HHEX: variants seen among roughly 807,000 people sequenced by gnomAD.
HHEX encodes hematopoietically expressed homeobox.
In HHEX, 8 loss-of-function variants were observed where a neutral mutation model predicts 27.0. That is an observed-to-expected ratio of 0.30 (90% confidence interval 0.17 to 0.54). The LOEUF (loss-of-function observed/expected upper bound fraction) is 0.54, where lower values mean the gene tolerates loss of function less well. Among genes scored for constraint, HHEX ranks in the 20% least tolerant of loss-of-function variants. The pLI, the probability that HHEX is intolerant of heterozygous loss-of-function variation, is 0.95. For synonymous variants in HHEX, 164 were observed against 161.5 expected (o/e 1.02, Z -0.12); for missense variants, 326 against 357.2 (o/e 0.91, Z 0.70).
intron 3 of HHEX, 49 bp from the exon 4 acceptor site, chr10:92,694,498 T>G: frequency 7.4e-7 from 1 of 1,346,320 alleles, no homozygotes; most frequent in Non-Finnish European, 1.1e-6. Context: ...CTCTCACCTA[T>G]CCATATTTTA....
Position 92,690,236 on chromosome 10 carries a change from G to A in HHEX, c.250G>A (p.Ala84Thr), listed in dbSNP as rs1451879808. Residue 84 changes from alanine (A) to threonine (T), a missense_variant, in exon 1 of 4, where the codon GCC becomes ACC. Around this residue, in one of 4 missense-constraint regions of HHEX, gnomAD observed 215 missense variants for 196.4 expected, o/e 1.09. Coordinates refer to ENST00000282728, the MANE Select transcript of HHEX (RefSeq NM_002729.5). ...CCATCCAGCCTTCTCGCACCACTCC[G>A]CCGCCGCGCTGGCCGCTGCCTACGG... ...PIHPAFSHHS[A>T]AALAAAYGPG... 1 of 1,566,890 alleles carries A rather than the reference G, an allele frequency of 6.4e-7. No homozygotes were observed. The highest frequency in any genetic ancestry group is 1.9e-5 in the Admixed American group (1 of 52,848).
At position 92,692,356 on chromosome 10, in the gene HHEX, T is replaced by A. The variant is rs1845364540; in HGVS notation, c.362-12T>A. Reference sequence around the variant, plus strand: ...CAGGGCAGTGGGTGAGCGCCGCTCTTCCCGCTCGCAGGCAAACCTCTACTC... The same window carrying A: ...CAGGGCAGTGGGTGAGCGCCGCTCTACCCGCTCGCAGGCAAACCTCTACTC... On this transcript the variant is annotated splice_polypyrimidine_tract_variant and intron_variant, in intron 1 of 3. Transcript: ENST00000282728. 1 of 1,612,158 alleles carries A rather than the reference T, an allele frequency of 6.2e-7. No homozygotes were observed. The highest frequency in any genetic ancestry group is 1.3e-5 in the African/African-American group (1 of 74,782).
intron 2 of HHEX, 72 bp downstream of exon 2, chr10:92,692,618 CGA>C: frequency 3.1e-6 from 5 of 1,604,318 alleles, no homozygotes; most frequent in Admixed American, 1.7e-5. Context: ...GCCGGGCCAC[CGA>C]GAGAGAGGCG....
intron 3 of HHEX, among the ~76,000 whole-genome samples, chr10:92,694,161 T>G (rs1018370240): frequency 1.3e-5 from 2 of 152,188 alleles, no homozygotes; most frequent in African/African-American, 4.8e-5. Flanking sequence ...ATTGGCAAGG[T>G]TTAAATATTT....
intron 1 of HHEX, among the ~76,000 whole-genome samples, chr10:92,690,846 C>A (rs1411692944): frequency 6.6e-6 from 1 of 152,204 alleles, no homozygotes; most frequent in Non-Finnish European, 1.5e-5. Flanking sequence ...GTTTTCCTGG[C>A]TGCATGAAGC....
In HHEX at chr10:92,690,255, C is replaced by G. The variant is rs1418387; in HGVS notation, c.269C>G (p.Ala90Gly). ...CACTCCGCCGCCGCGCTGGCCGCTG[C>G]CTACGGACCCGGCGGCTTCGGGGGC... ...SHHSAAALAA[A>G]YGPGGFGGPL... Residue 90 changes from alanine (A) to glycine (G), a missense_variant, in exon 1 of 4, where the codon GCC becomes GGC. Ala to Gly is a moderately conservative substitution (Grantham distance 60). This residue lies in a region of HHEX where 215 missense variants were observed against 196.4 expected (regional missense o/e 1.09). Transcript: ENST00000282728. The G allele has an allele frequency of 5.1e-6, 8 of 1,560,938 alleles. No homozygotes were observed. The highest frequency in any genetic ancestry group is 6.9e-6 in the Non-Finnish European group (8 of 1,153,278).
intron 1 of HHEX, among the ~76,000 whole-genome samples, chr10:92,690,588 G>A (rs766276286): frequency 6.6e-6 from 1 of 152,118 alleles, no homozygotes; most frequent in Non-Finnish European, 1.5e-5. Flanking sequence ...TAGACCTCGC[G>A]GCGAGGGCAG....
chr10:92,694,565 A>G lies in HHEX; in HGVS notation c.610A>G (p.Lys204Glu). Residue 204 changes from lysine (K) to glutamate (E), a missense_variant, in exon 4 of 4, where the codon AAA becomes GAA. By Grantham distance (56) the Lys-to-Glu change is moderately conservative (BLOSUM62 1). Coordinates refer to ENST00000282728, the MANE Select transcript of HHEX (RefSeq NM_002729.5). ...TATTCAGGAGAACCCTCAAAGCAAT[A>G]AAAAAGAAGAACTGGAAAGTTTGGA... ...RLKQENPQSN[K>E]KEELESLDSS... 1 of 1,613,672 alleles carries G rather than the reference A, an allele frequency of 6.2e-7. No homozygotes were observed. Among genetic ancestry groups the G allele is most frequent in the African/African-American group, 1.3e-5 (1 of 75,050 alleles).
chr10:92,690,020 G>C lies in HHEX; in HGVS notation c.34G>C (p.Ala12Pro). Reference protein sequence around the residue: ...QYPHPGPAAGAVGVPLYAPTP... With the variant: ...QYPHPGPAAGPVGVPLYAPTP... ...CCCGCACCCCGGGCCGGCGGCGGGC[G>C]CCGTGGGGGTGCCGCTGTACGCGCC... Residue 12 changes from alanine to proline, a missense_variant, in exon 1 of 4, where the codon GCC (alanine) becomes CCC (proline). By Grantham distance (27) the Ala-to-Pro change is conservative. This residue lies in a region of HHEX where 215 missense variants were observed against 196.4 expected (regional missense o/e 1.09). Coordinates refer to ENST00000282728, the MANE Select transcript of HHEX (RefSeq NM_002729.5). 6.8e-7 allele frequency: 1 copy of C among 1,481,432 alleles called. No homozygotes were observed. 91.8% of individuals were successfully genotyped at this position (1,481,432 alleles called of 1,614,324 possible). A position where few individuals can be genotyped will look rare whatever the true frequency, so the allele number is the denominator to read the frequency against.
intron 1 of HHEX, 121 bp downstream of exon 1, chr10:92,690,468 C>T (rs1177743107): frequency 5.6e-6 from 7 of 1,241,094 alleles, no homozygotes; most frequent in Non-Finnish European, 7.4e-6. Context: ...GATGGAAAAG[C>T]AGCTGTCGGG....
intron 1 of HHEX, chr10:92,691,907 C>G (rs1023196628): frequency 6.5e-6 from 1 of 153,484 alleles, no homozygotes; most frequent in African/African-American, 2.4e-5. Context: ...GAGCGCTTCC[C>G]GCGCAGCCAG....
chr10:92,690,323 GCCCTGCTCCGCCACGACC>G lies in HHEX; in HGVS notation c.343_360del (p.Leu115_Leu120del). 6.6e-7 allele frequency: 1 copy of G among 1,512,986 alleles called. No homozygotes were observed. Among genetic ancestry groups the G allele is most frequent in the Non-Finnish European group, 8.9e-7 (1 of 1,126,332 alleles). The allele number at this position is 1,512,986 out of a possible 1,614,324, so 93.7% of individuals were successfully genotyped here. A position where few individuals can be genotyped will look rare whatever the true frequency, so the allele number is the denominator to read the frequency against. On this transcript the variant is annotated inframe_deletion, in exon 1 of 4. Coordinates refer to ENST00000282728, the MANE Select transcript of HHEX (RefSeq NM_002729.5). The stretch of plus-strand genomic sequence containing the variant: ...GCGGACGGTGAACGACTACACGCAC[GCCCTGCTCCGCCACGACC>G]CCCTGGGTAAGGCGGCCGGGCGAGG...
At position 92,692,531 on chromosome 10, in the gene HHEX, G is replaced by T. The variant is rs777393392; in HGVS notation, c.525G>T (p.Gln175His). ...PERKRLAKML[Q>H]LSERQVKTWF... ...GGAAGCGTCTGGCCAAGATGCTGCAGCTCAGCGAGAGACAGGTGAGCTCGC... is the reference window on the plus strand; with the variant it reads ...GGAAGCGTCTGGCCAAGATGCTGCATCTCAGCGAGAGACAGGTGAGCTCGC... The change falls in exon 2 of 4, where the codon CAG becomes CAT. Residue 175 changes from glutamine (Q) to histidine (H), a missense_variant. Coordinates refer to ENST00000282728, the MANE Select transcript of HHEX (RefSeq NM_002729.5). The T allele has an allele frequency of 5.5e-5, 89 of 1,613,732 alleles. No homozygotes were observed. The highest frequency in any genetic ancestry group is 7.0e-5 in the Non-Finnish European group (83 of 1,179,926).
intron 3 of HHEX, among the ~76,000 whole-genome samples, chr10:92,693,734 A>T (rs1002574073): frequency 6.6e-6 from 1 of 152,230 alleles, no homozygotes; most frequent in African/African-American, 2.4e-5. Context: ...TTGCAACTAT[A>T]TAACAAATAG....
In HHEX at chr10:92,694,661, T is replaced by C; in HGVS notation, c.706T>C (p.Cys236Arg). 6.2e-7 allele frequency: 1 copy of C among 1,614,148 alleles called. No individual in the cohort carries two copies. Among genetic ancestry groups the C allele is most frequent in the Non-Finnish European group, 8.5e-7 (1 of 1,179,972 alleles). Residue 236 changes from cysteine to arginine, a missense_variant, in exon 4 of 4, where the codon TGT becomes CGT. Coordinates refer to ENST00000282728, the MANE Select transcript of HHEX (RefSeq NM_002729.5). ...NKGASLDSSQ[C>R]SPSPASQEDL... ...AGGTGCTTCTTTGGATAGCTCTCAA[T>C]GTTCGCCCTCCCCTGCCTCCCAGGA...
At chr10:92,691,023 C>T (rs1845349428) in intron 1 of HHEX, among the ~76,000 whole-genome samples, 1 of 152,176 alleles carries the variant, frequency 6.6e-6, no homozygotes, top group South Asian at 2.1e-4. Flanking sequence ...TAACCAGTTG[C>T]TTCCTATTTT....
At chr10:92,693,499 C>A (rs969366010) in intron 3 of HHEX, among the ~76,000 whole-genome samples, 1 of 152,024 alleles carries the variant, frequency 6.6e-6, no homozygotes, top group Admixed American at 6.6e-5. Context: ...ATTGTATATA[C>A]GGTTTATAAT....
intron 1 of HHEX, among the ~76,000 whole-genome samples, chr10:92,691,132 G>C (rs548468122): frequency 2.0e-5 from 3 of 150,776 alleles, no homozygotes; most frequent in Non-Finnish European, 4.4e-5. Context: ...GCCTGCAGAC[G>C]GACGGACGGA....
chr10:92,690,593 G>A (rs958067491), intron 1 of HHEX, among the ~76,000 whole-genome samples: 1 of 152,178 alleles, frequency 6.6e-6, no homozygotes, highest in East Asian at 1.9e-4. Context: ...CTCGCGGCGA[G>A]GGCAGCCGTG....
Sources: allele counts gnomAD v4.1 joint callset (sites outside exome capture counted in the v4.1 genomes callset), GRCh38; gene constraint gnomAD v4.1.1; regional missense constraint gnomAD v4.1.1; transcripts MANE v1.5; gene names NCBI Gene and HGNC (gene_info 2026-07-23, HGNC 2026-07-21).